SLC60A1: variants seen among roughly 807,000 people sequenced by gnomAD.
SLC60A1 encodes solute carrier family 60 member 1, also known as major facilitator superfamily domain containing 4.
chr1:205,588,199 C>T, the SLC60A1 span, among the ~76,000 whole-genome samples: 3 of 152,136 alleles, frequency 2.0e-5, no homozygotes, highest in South Asian at 4.2e-4. Context: ...AGGCCAGGCG[C>T]GGTGGCTCAC....
At chr1:205,601,273 A>G in the SLC60A1 span, 1 of 152,246 alleles carries the variant, frequency 6.6e-6, no homozygotes, top group African/African-American at 2.4e-5. Context: ...TGGAATTACT[A>G]TATATGATGG....
the SLC60A1 span, chr1:205,579,858 C>G: frequency 6.2e-7 from 1 of 1,614,134 alleles, no homozygotes; most frequent in Non-Finnish European, 8.5e-7. Context: ...TCAGTCATGG[C>G]GCTGGCGGGC....
At chr1:205,582,727 C>A in the SLC60A1 span, among the ~76,000 whole-genome samples, 2 of 152,238 alleles carry the variant, frequency 1.3e-5, no homozygotes, top group African/African-American at 2.4e-5. Context: ...GTTCTCTCCC[C>A]ACTCAGGCCT....
At chr1:205,584,037 T>C in the SLC60A1 span, 5 of 1,614,104 alleles carry the variant, frequency 3.1e-6, no homozygotes, top group Non-Finnish European at 4.2e-6. Context: ...CCCCTGCTTC[T>C]GTCTGCTGAT....
chr1:205,586,634 C>T, the SLC60A1 span, among the ~76,000 whole-genome samples: 3 of 151,760 alleles, frequency 2.0e-5, no homozygotes, highest in Non-Finnish European at 2.9e-5. Flanking sequence ...ATCCCACAAC[C>T]GTCGGAATCA....
the SLC60A1 span, among the ~76,000 whole-genome samples, chr1:205,580,117 C>T: frequency 6.6e-6 from 1 of 152,202 alleles, no homozygotes; most frequent in Non-Finnish European, 1.5e-5. The surrounding 1 kb of genome is among the most constrained non-coding windows in gnomAD (Gnocchi z 5.0). Context: ...GATCCCTGCC[C>T]TCACTGCAGG....
the SLC60A1 span, chr1:205,597,511 C>T: frequency 3.4e-6 from 1 of 294,270 alleles, no homozygotes; most frequent in African/African-American, 2.2e-5. Flanking sequence ...ACCTTAGCCT[C>T]CCAAGTAGCT....
the SLC60A1 span, chr1:205,602,000 C>T: frequency 6.6e-6 from 1 of 152,214 alleles, no homozygotes; most frequent in Admixed American, 6.5e-5. Flanking sequence ...AGACTGAAAG[C>T]AGGATTTGTT....
the SLC60A1 span, chr1:205,592,006 G>A: frequency 8.2e-7 from 1 of 1,219,998 alleles, no homozygotes; most frequent in Non-Finnish European, 1.1e-6. Flanking sequence ...ACGGGGTGGC[G>A]CGCGGGTCAC....
chr1:205,592,535 CT>C, the SLC60A1 span, among the ~76,000 whole-genome samples: 1 of 152,022 alleles, frequency 6.6e-6, no homozygotes, highest in Non-Finnish European at 1.5e-5. Context: ...CCTCCCCCCT[CT>C]CCCCACCCCA....
chr1:205,590,573 C>T, the SLC60A1 span, among the ~76,000 whole-genome samples: 14 of 152,252 alleles, frequency 9.2e-5, no homozygotes, highest in African/African-American at 3.1e-4. Flanking sequence ...GCTAGAGGAG[C>T]GTAAAGGCCT....
chr1:205,578,631 C>A, the SLC60A1 span, among the ~76,000 whole-genome samples: 2 of 152,170 alleles, frequency 1.3e-5, no homozygotes, highest in East Asian at 3.9e-4. Context: ...AGGCCAAGAG[C>A]CAAGGGGGTC....
chr1:205,569,240 CT>C, the SLC60A1 span: 1 of 1,570,484 alleles, frequency 6.4e-7, no homozygotes, highest in South Asian at 1.2e-5. Flanking sequence ...CCTGGGTCTT[CT>C]TCTCGCAGCA....
At chr1:205,597,664 G>C in the SLC60A1 span, 1 of 1,014,398 alleles carries the variant, frequency 9.9e-7, no homozygotes, top group East Asian at 2.4e-5. Flanking sequence ...CTAAAGTACT[G>C]GGATGTGCCT....
the SLC60A1 span, chr1:205,569,242 T>C: frequency 6.4e-7 from 1 of 1,571,058 alleles, no homozygotes; most frequent in Non-Finnish European, 8.6e-7. Context: ...TGGGTCTTCT[T>C]CTCGCAGCAG....
chr1:205,580,434 C>T, the SLC60A1 span, among the ~76,000 whole-genome samples: 1 of 152,182 alleles, frequency 6.6e-6, no homozygotes, highest in Non-Finnish European at 1.5e-5. The surrounding 1 kb of genome is among the most constrained non-coding windows in gnomAD (Gnocchi z 5.0). Flanking sequence ...CCCAGGCTGG[C>T]AGGGTGGTTG....
the SLC60A1 span, chr1:205,602,679 A>C: frequency 9.8e-5 from 15 of 152,340 alleles, no homozygotes; most frequent in African/African-American, 3.6e-4. Context: ...GTAAATACTC[A>C]AAAGTATTAG....
chr1:205,572,903 T>C, the SLC60A1 span, among the ~76,000 whole-genome samples: 45 of 152,322 alleles, frequency 3.0e-4, no homozygotes, highest in Non-Finnish European at 2.2e-4. Context: ...AGCAGCATTA[T>C]TCATCCGAGT....
chr1:205,597,638 C>T, the SLC60A1 span: 3 of 746,344 alleles, frequency 4.0e-6, no homozygotes, highest in Non-Finnish European at 6.9e-6. Context: ...TCAAGAGATC[C>T]TCCCACTTCT....
Sources: gnomAD v4.1 joint callset for allele counts (sites outside exome capture counted in the v4.1 genomes callset) on GRCh38, gnomAD v4.1.1 for gene constraint, Gnocchi (gnomAD v3.1) non-coding constraint, MANE v1.5 for transcripts, NCBI Gene and HGNC (gene_info 2026-07-23, HGNC 2026-07-21) for gene names.